COL17A1: variants seen among roughly 807,000 people sequenced by gnomAD.
COL17A1 encodes the protein collagen type XVII alpha 1 chain.
A neutral mutation model predicts 218.4 loss-of-function variants in COL17A1; 181 were observed. The observed-to-expected ratio is 0.83, with a 90% CI of 0.73 to 0.94. COL17A1 has a LOEUF of 0.94. COL17A1 is among the 40% of genes least tolerant of loss of function. COL17A1 has a pLI of 0.00. For synonymous variants in COL17A1, 721 were observed against 731.0 expected, an observed-to-expected ratio of 0.99 and a Z score of 0.22; for missense variants, 1,924 against 1,945.9, an observed-to-expected ratio of 0.99 and a Z score of 0.21.
intron 31 of COL17A1, 148 bp from the exon 32 acceptor site, chr10:104,046,921 C>A (rs887062484): frequency 1.5e-5 from 11 of 753,576 alleles, no homozygotes; most frequent in Non-Finnish European, 2.3e-5. Flanking sequence ...CAGCCAGCAT[C>A]CTTGGACCTC....
chr10:104,034,535 T>A, intron 51 of COL17A1, 86 bp downstream of exon 51: 2 of 1,550,962 alleles, frequency 1.3e-6, no homozygotes, highest in Admixed American at 1.9e-5. Flanking sequence ...GGCCTTCCTG[T>A]CCCTTTAAGT....
chr10:104,035,628 G>T, intron 48 of COL17A1, 65 bp from the exon 49 acceptor site: 2 of 1,294,988 alleles, frequency 1.5e-6, no homozygotes, highest in Non-Finnish European at 2.2e-6. Context: ...CAGAGAGGAG[G>T]TCGGATACAG....
chr10:104,039,766 CCACACACA>C (rs60283710), intron 41 of COL17A1, 126 bp from the exon 42 acceptor site: 155 of 972,132 alleles, frequency 1.6e-4, no homozygotes, highest in African/African-American at 7.7e-4. Flanking sequence ...CCTAGAGATG[CCACACACA>C]CACACACACA....
chr10:104,075,754 C>T (rs918723702), intron 5 of COL17A1, among the ~76,000 whole-genome samples: 5 of 152,202 alleles, frequency 3.3e-5, no homozygotes, highest in East Asian at 1.9e-4. Context: ...ACTGAATTTC[C>T]GACTTAAGCC....
At chr10:104,058,084 T>C in intron 16 of COL17A1, 62 bp downstream of exon 16, 1 of 1,608,774 alleles carries the variant, frequency 6.2e-7, no homozygotes, top group Non-Finnish European at 8.5e-7. Context: ...CATCATCTGG[T>C]CCATTAGCCA....
chr10:104,058,252 G>A (rs1028105404), intron 15 of COL17A1, 62 bp from the exon 16 acceptor site: 3 of 1,603,800 alleles, frequency 1.9e-6, no homozygotes, highest in Non-Finnish European at 2.6e-6. Flanking sequence ...CTCTGCCTAT[G>A]GAGTAGCCAT....
At position 104,043,804 on chromosome 10, in the gene COL17A1, G is replaced by T. The variant is rs1425164797; in HGVS notation, c.2434+21C>A. 4 of 1,613,640 alleles carry T rather than the reference G, an allele frequency of 2.5e-6. No individual in the cohort carries two copies. The African/African-American group carries it at 5.3e-5, about 22-fold the overall frequency. Reference sequence around the variant, plus strand: ...GTATAAGAAAGACACAGAAAGGAGGGTCCCTCTAGGACCTGCCTACCCGAA... The same window carrying T: ...GTATAAGAAAGACACAGAAAGGAGGTTCCCTCTAGGACCTGCCTACCCGAA... On this transcript the variant is annotated intron_variant, in intron 34 of 55. Transcript: ENST00000648076.
At chr10:104,073,967 C>A in intron 6 of COL17A1, 1 of 621,752 alleles carries the variant, frequency 1.6e-6, no homozygotes, top group East Asian at 3.3e-5. Flanking sequence ...TATAGTGCCA[C>A]GAGCAAAGGC....
intron 8 of COL17A1, among the ~76,000 whole-genome samples, chr10:104,071,311 C>T (rs143141100): frequency 2.2e-4 from 33 of 152,244 alleles, no homozygotes; most frequent in African/African-American, 6.7e-4. Context: ...GAGAAGGTGT[C>T]GGGCCTGGAG....
chr10:104,067,551 C>A (rs576191376), intron 9 of COL17A1, among the ~76,000 whole-genome samples: 2 of 152,138 alleles, frequency 1.3e-5, no homozygotes, highest in Non-Finnish European at 2.9e-5. Context: ...AAAGCCAAAG[C>A]TGTCCATCTT....
chr10:104,038,560 T>G, intron 44 of COL17A1, 32 bp from the exon 45 acceptor site: 1 of 1,605,530 alleles, frequency 6.2e-7, no homozygotes, highest in Non-Finnish European at 8.5e-7. Flanking sequence ...CTGTGTCGGT[T>G]TCTCCACCCT....
intron 1 of COL17A1, among the ~76,000 whole-genome samples, chr10:104,085,080 CG>C (rs1388249287): frequency 1.3e-5 from 2 of 152,128 alleles, no homozygotes; most frequent in African/African-American, 2.4e-5. Flanking sequence ...AGTATATATA[CG>C]GGAAACAATT....
At chr10:104,043,648 C>A in intron 34 of COL17A1, 67 bp from the exon 35 acceptor site, 1 of 1,581,228 alleles carries the variant, frequency 6.3e-7, no homozygotes, top group Non-Finnish European at 8.7e-7. Flanking sequence ...GGGACCCAAG[C>A]CAGGTTGTGG....
At chr10:104,069,648 C>A (rs1208920483) in intron 9 of COL17A1, among the ~76,000 whole-genome samples, 1 of 152,134 alleles carries the variant, frequency 6.6e-6, no homozygotes, top group Non-Finnish European at 1.5e-5. Flanking sequence ...CTATGGAAAC[C>A]AAAAACCAGT....
chr10:104,063,821 G>A lies in COL17A1; in HGVS notation c.767-3C>T. On this transcript the variant is annotated splice_region_variant and splice_polypyrimidine_tract_variant and intron_variant, in intron 10 of 55. Coordinates refer to ENST00000648076, the MANE Select transcript of COL17A1 (RefSeq NM_000494.4). ...CATGTTGTTTGGAACTCCGAAGACTGCAGGGGCAAGGAGGAAGGCTGGTGA... is the reference window on the plus strand; with the variant it reads ...CATGTTGTTTGGAACTCCGAAGACTACAGGGGCAAGGAGGAAGGCTGGTGA... 1 of 1,614,180 alleles carries A rather than the reference G, an allele frequency of 6.2e-7. No individual in the cohort carries two copies. Among genetic ancestry groups the A allele is most frequent in the Middle Eastern group, 1.7e-4 (1 of 6,042 alleles).
chr10:104,034,673 A>C lies in COL17A1; in HGVS notation c.3714T>G (p.Tyr1238Ter). ...PPGVSGALAT[Y>*]AAENSDSFRS... ...GGAAGCTGTCGCTGTTTTCAGCTGCATAGGTTGCCAGGGCTCCTGAGACAC... is the reference window on the plus strand; with the variant it reads ...GGAAGCTGTCGCTGTTTTCAGCTGCCTAGGTTGCCAGGGCTCCTGAGACAC... The change falls in exon 51 of 56, where the codon TAT becomes TAG. Residue 1238 changes from tyrosine to a stop codon, truncating the protein, a stop_gained. Coordinates refer to ENST00000648076, the MANE Select transcript of COL17A1 (RefSeq NM_000494.4). LOFTEE classifies it high-confidence loss of function. 6.2e-7 allele frequency: 1 copy of C among 1,610,548 alleles called. No individual in the cohort carries two copies. Among genetic ancestry groups the C allele is most frequent in the East Asian group, 2.2e-5 (1 of 44,722 alleles).
chr10:104,082,779 A>G (rs2086776112), intron 1 of COL17A1, among the ~76,000 whole-genome samples: 1 of 152,174 alleles, frequency 6.6e-6, no homozygotes, highest in Non-Finnish European at 1.5e-5. Flanking sequence ...CTTTATCCAA[A>G]ACATAGCAGG....
At chr10:104,061,256 A>G (rs1315131614) in intron 13 of COL17A1, 149 bp downstream of exon 13, 1 of 688,582 alleles carries the variant, frequency 1.5e-6, no homozygotes, top group Non-Finnish European at 2.4e-6. Context: ...CTTTGGGGCA[A>G]GTTGCGTTTG....
intron 5 of COL17A1, 57 bp downstream of exon 5, chr10:104,076,244 G>A: frequency 6.2e-7 from 1 of 1,611,608 alleles, no homozygotes; most frequent in Non-Finnish European, 8.5e-7. Flanking sequence ...TTCAAAGAAT[G>A]AGTGAAGTTG....
Sources: allele counts gnomAD v4.1 joint callset (sites outside exome capture counted in the v4.1 genomes callset), GRCh38; gene constraint gnomAD v4.1.1; transcripts MANE v1.5; gene names NCBI Gene and HGNC (gene_info 2026-07-23, HGNC 2026-07-21).